The following MTMR12 variants were observed in gnomAD, a reference collection of about 807,000 sequenced individuals.
MTMR12 encodes myotubularin related protein 12, also known as myotubularin-related protein 12.
Under a neutral mutation model 96.7 loss-of-function variants are expected in MTMR12, and 33 were observed. The ratio of observed to expected loss-of-function variants is 0.34; its 90% CI spans 0.26 to 0.46. The LOEUF (loss-of-function observed/expected upper bound fraction) is 0.46. MTMR12 is among the 20% of genes least tolerant of loss of function. The pLI, the probability that MTMR12 is intolerant of heterozygous loss-of-function variation, is 1.00. For synonymous variants in MTMR12, 298 were observed against 327.2 expected (o/e 0.91, Z 0.96); for missense variants, 721 against 896.1 (o/e 0.80, Z 2.49).
At chr5:32,242,643 T>G (rs1748524415) in intron 11 of MTMR12, among the ~76,000 whole-genome samples, 1 of 151,694 alleles carries the variant, frequency 6.6e-6, no homozygotes, top group Admixed American at 6.6e-5. Context: ...ATCTGTTGTC[T>G]TCTGCTTGCA....
chr5:32,289,891 G>A (rs1251760858), intron 1 of MTMR12, among the ~76,000 whole-genome samples: 1 of 152,194 alleles, frequency 6.6e-6, no homozygotes, highest in Non-Finnish European at 1.5e-5. Context: ...AGGGACTGCA[G>A]AGATTAATGC....
intron 3 of MTMR12, 108 bp from the exon 4 acceptor site, chr5:32,272,013 C>A: frequency 3.3e-6 from 2 of 613,980 alleles, no homozygotes; most frequent in Admixed American, 3.8e-5. Context: ...AATGGGGGGC[C>A]GGGTGCAGTG....
intron 10 of MTMR12, among the ~76,000 whole-genome samples, chr5:32,244,226 C>T (rs1210985453): frequency 6.6e-6 from 1 of 151,074 alleles, no homozygotes; most frequent in African/African-American, 2.4e-5. Flanking sequence ...CTGCAGTGAG[C>T]TATGGTGGCG....
chr5:32,296,937 C>T (rs1049089838), intron 1 of MTMR12, among the ~76,000 whole-genome samples: 1 of 151,770 alleles, frequency 6.6e-6, no homozygotes, highest in Non-Finnish European at 1.5e-5. Flanking sequence ...CCCGTCTCTA[C>T]TAAAAAATAC....
intron 1 of MTMR12, among the ~76,000 whole-genome samples, chr5:32,279,629 C>T (rs73754428): frequency 0.015 from 2,342 of 152,318 alleles, 51 homozygotes; most frequent in African/African-American, 0.053. Context: ...AGAACTACTT[C>T]ACATTCAAGG....
chr5:32,284,433 T>C (rs1750442367), intron 1 of MTMR12, among the ~76,000 whole-genome samples: 1 of 152,034 alleles, frequency 6.6e-6, no homozygotes, highest in South Asian at 2.1e-4. Flanking sequence ...AAACGGAGGA[T>C]TCCTCTAAAG....
intron 1 of MTMR12, among the ~76,000 whole-genome samples, chr5:32,276,954 C>G (rs970839936): frequency 2.2e-5 from 3 of 133,874 alleles, no homozygotes; most frequent in African/African-American, 8.4e-5. Flanking sequence ...GGCACGATCT[C>G]AGCTCACTGC....
intron 6 of MTMR12, among the ~76,000 whole-genome samples, chr5:32,263,793 A>G (rs959380554): frequency 3.3e-5 from 5 of 152,158 alleles, no homozygotes; most frequent in African/African-American, 1.2e-4. Flanking sequence ...AGTAATTTAT[A>G]GCTCCATTTC....
intron 6 of MTMR12, among the ~76,000 whole-genome samples, chr5:32,266,778 A>G (rs560505610): frequency 1.3e-5 from 2 of 150,978 alleles, no homozygotes; most frequent in Admixed American, 1.3e-4. Context: ...CATCAGCTTC[A>G]TGTTAAGAGT....
rs1748109499 is a variant in MTMR12, at chr5:32,233,992, C to T, written c.1513-58G>A. ...CAGGGAGGGCTGAGGAAGGCAAACA[C>T]ATACTTCTGGACACAGGCACCAGGA... On this transcript the variant is annotated intron_variant, in intron 14 of 15. Transcript: ENST00000382142. The surrounding 1 kb of genome is among the most constrained non-coding windows in gnomAD (Gnocchi z 5.0). 21 of 1,600,276 alleles carry T rather than the reference C, an allele frequency of 1.3e-5. No individual in the cohort carries two copies. The highest frequency in any genetic ancestry group is 1.6e-5 in the Non-Finnish European group (19 of 1,169,356).
chr5:32,312,716 G>C lies in MTMR12; in HGVS notation c.81+42C>G, dbSNP rs1751650893. 7.0e-7 allele frequency: 1 copy of C among 1,420,026 alleles called. No individual in the cohort carries two copies. Among genetic ancestry groups the C allele is most frequent in the African/African-American group, 1.5e-5 (1 of 67,052 alleles). 88.0% of individuals were successfully genotyped at this position (1,420,026 alleles called of 1,614,324 possible). A position where few individuals can be genotyped will look rare whatever the true frequency, so the allele number is the denominator to read the frequency against. On this transcript the variant is annotated intron_variant, in intron 1 of 15. Transcript: ENST00000382142. This position sits in a 1 kb window ranked among gnomAD's most constrained non-coding sequence, Gnocchi z 5.0. ...GGGGCTCCCGGCGCCCCTCGCCCCG[G>C]CCGCCCCTGCCCGACGCCCCGCCTG...
chr5:32,280,565 T>A (rs76564270), intron 1 of MTMR12, among the ~76,000 whole-genome samples: 1 of 152,204 alleles, frequency 6.6e-6, no homozygotes, highest in African/African-American at 2.4e-5. Flanking sequence ...TAAAACAAAA[T>A]TTTTTTAAGT....
chr5:32,277,611 A>C (rs1165428586), intron 1 of MTMR12, among the ~76,000 whole-genome samples: 1 of 152,144 alleles, frequency 6.6e-6, no homozygotes, highest in Non-Finnish European at 1.5e-5. Context: ...GGGCAGGAGA[A>C]ACACTTTAAT....
chr5:32,239,674 C>T (rs143381328), intron 12 of MTMR12, among the ~76,000 whole-genome samples: 66 of 152,350 alleles, frequency 4.3e-4, no homozygotes, highest in African/African-American at 1.4e-3. Flanking sequence ...ACATCCCTTC[C>T]TCCACTCCTA....
intron 10 of MTMR12, among the ~76,000 whole-genome samples, chr5:32,245,001 G>GAA (rs201630730): frequency 0.016 from 2,282 of 146,976 alleles, 27 homozygotes; most frequent in Non-Finnish European, 0.024. Context: ...ATTATTAACT[G>GAA]AAAAAAAAAA....
intron 6 of MTMR12, among the ~76,000 whole-genome samples, 154 bp downstream of exon 6, chr5:32,268,547 A>G (rs1749697064): frequency 6.6e-6 from 1 of 151,816 alleles, no homozygotes; most frequent in Non-Finnish European, 1.5e-5. Context: ...GAAAATGTAG[A>G]TATCTAAATG....
intron 7 of MTMR12, 70 bp from the exon 8 acceptor site, chr5:32,255,838 A>G (rs1749113953): frequency 3.1e-6 from 4 of 1,303,740 alleles, no homozygotes; most frequent in Middle Eastern, 3.7e-4. Context: ...CTCAACTTCA[A>G]TGGATACGAT....
chr5:32,235,650 T>C (rs532810635), intron 13 of MTMR12, among the ~76,000 whole-genome samples: 102 of 152,180 alleles, frequency 6.7e-4, no homozygotes, highest in Non-Finnish European at 1.0e-3. Flanking sequence ...AGAAGCCTCC[T>C]GTCCACCCCG....
Position 32,251,054 on chromosome 5 carries a change from C to CTTTTTTT in MTMR12, c.790-2183_790-2177dup, listed in dbSNP as rs1299015165. ...ATTCGGTACATTTTAAGGTCCCTCT[C>CTTTTTTT]TTTTTTTTTTTTTTTTTTTGAGACG... On this transcript the variant is annotated intron_variant, in intron 8 of 15. Coordinates refer to ENST00000382142, the MANE Select transcript of MTMR12 (RefSeq NM_001040446.3). Among the ~76,000 whole-genome samples, 1,185 of 130,898 alleles carry CTTTTTTT rather than the reference C, an allele frequency of 9.1e-3. 16 individuals carry two copies. The highest frequency in any genetic ancestry group is 0.016 in the Non-Finnish European group (956 of 61,368). 85.9% of individuals were successfully genotyped at this position (130,898 alleles called of 152,430 possible).
Sources: allele counts gnomAD v4.1 joint callset (sites outside exome capture counted in the v4.1 genomes callset), GRCh38; gene constraint gnomAD v4.1.1; non-coding constraint Gnocchi (gnomAD v3.1); transcripts MANE v1.5; gene names NCBI Gene and HGNC (gene_info 2026-07-23, HGNC 2026-07-21).